ELL: variants seen among roughly 807,000 people sequenced by gnomAD.
ELL encodes elongation factor for RNA polymerase II.
ELL carries 18 observed loss-of-function variants against 64.0 expected under a neutral mutation model. The observed-to-expected ratio is 0.28, with a 90% CI of 0.19 to 0.42. The LOEUF (loss-of-function observed/expected upper bound fraction) is 0.42, where lower values mean the gene tolerates loss of function less well. Ranked by LOEUF, ELL falls within the 10% of genes least tolerant of loss-of-function variation. The probability of loss-of-function intolerance (pLI) is 1.00; values close to 1 mark genes in which losing one functional copy is unlikely to be tolerated. For synonymous variants in ELL, 399 were observed against 376.2 expected (o/e 1.06, Z -0.70); for missense variants, 797 against 870.4 (o/e 0.92, Z 1.06).
intron 8 of ELL, chr19:18,448,558 G>A (rs1974463512): frequency 6.6e-6 from 1 of 152,298 alleles, no homozygotes; most frequent in African/African-American, 2.4e-5. Flanking sequence ...GGAAGTGAGA[G>A]GCAAGGCGCA....
intron 2 of ELL, 132 bp from the exon 3 acceptor site, chr19:18,466,050 A>T (rs997403830): frequency 3.4e-6 from 3 of 894,646 alleles, no homozygotes; most frequent in Non-Finnish European, 2.9e-6. Context: ...CCTAAAACAC[A>T]CCCCTGCTCT....
chr19:18,502,934 C>T (rs1975811278), intron 1 of ELL, among the ~76,000 whole-genome samples: 1 of 152,252 alleles, frequency 6.6e-6, no homozygotes, highest in African/African-American at 2.4e-5. Flanking sequence ...ACAGGGCAGG[C>T]CAGCGCTCCA....
At chr19:18,513,589 C>G (rs573341049) in intron 1 of ELL, among the ~76,000 whole-genome samples, 1 of 152,002 alleles carries the variant, frequency 6.6e-6, no homozygotes, top group Non-Finnish European at 1.5e-5. Flanking sequence ...CTGAGTTATA[C>G]TGCTTATATA....
Position 18,449,782 on chromosome 19 carries a change from C to T in ELL, c.1465+695G>A, listed in dbSNP as rs1371664068. Reference sequence around the variant, plus strand: ...ATGGTGGTGGAACAGCCGCTGCACGCTGGCCACTGCTTCTGCTGGTTCCTA... The same window carrying T: ...ATGGTGGTGGAACAGCCGCTGCACGTTGGCCACTGCTTCTGCTGGTTCCTA... On this transcript the variant is annotated intron_variant, in intron 8 of 11. Coordinates refer to ENST00000262809, the MANE Select transcript of ELL (RefSeq NM_006532.4). The surrounding 1 kb of genome is among the most constrained non-coding windows in gnomAD (Gnocchi z 4.4). 6.6e-6 allele frequency among the ~76,000 whole-genome samples: 1 copy of T among 152,244 alleles called. No individual in the cohort carries two copies. The highest frequency in any genetic ancestry group is 1.5e-5 in the Non-Finnish European group (1 of 68,042).
At position 18,449,583 on chromosome 19, in the gene ELL, C is replaced by T. The variant is rs541952312; in HGVS notation, c.1465+894G>A. 6.6e-6 allele frequency among the ~76,000 whole-genome samples: 1 copy of T among 152,298 alleles called. No homozygotes were observed. The highest frequency in any genetic ancestry group is 2.1e-4 in the South Asian group (1 of 4,824). On this transcript the variant is annotated intron_variant, in intron 8 of 11. Coordinates refer to ENST00000262809, the MANE Select transcript of ELL (RefSeq NM_006532.4). This position sits in a 1 kb window ranked among gnomAD's most constrained non-coding sequence, Gnocchi z 4.4. ...ACGCAAAGCTATAATGAAAGAAGGG[C>T]TCCCACCCTCATCCCAGGAATCCCC...
intron 1 of ELL, among the ~76,000 whole-genome samples, chr19:18,505,066 C>T (rs1054228875): frequency 1.3e-5 from 2 of 152,206 alleles, no homozygotes; most frequent in African/African-American, 2.4e-5. Context: ...TCTCACCCTC[C>T]TGCCATCATG....
intron 1 of ELL, among the ~76,000 whole-genome samples, chr19:18,514,393 A>G (rs1237060033): frequency 6.6e-6 from 1 of 151,542 alleles, no homozygotes; most frequent in Non-Finnish European, 1.5e-5. Context: ...GGGCGCCTGT[A>G]GTCCCAGCTA....
At chr19:18,446,948 G>A in intron 8 of ELL, 134 bp from the exon 9 acceptor site, 1 of 994,120 alleles carries the variant, frequency 1.0e-6, no homozygotes, top group Non-Finnish European at 1.5e-6. Flanking sequence ...CAGAGGGGAT[G>A]ACTGTGTGGC....
intron 2 of ELL, among the ~76,000 whole-genome samples, 176 bp from the exon 3 acceptor site, chr19:18,466,094 G>C (rs1015856348): frequency 6.6e-6 from 1 of 152,182 alleles, no homozygotes; most frequent in African/African-American, 2.4e-5. Flanking sequence ...CCCATCCTCA[G>C]CAACACACAC....
At chr19:18,489,526 C>T (rs1042586725) in intron 1 of ELL, among the ~76,000 whole-genome samples, 4 of 152,170 alleles carry the variant, frequency 2.6e-5, no homozygotes, top group African/African-American at 9.7e-5. Context: ...CCAGCTCTGG[C>T]ACCTTCTCTA....
At chr19:18,454,982 A>C (rs1974627030) in intron 6 of ELL, among the ~76,000 whole-genome samples, 1 of 151,194 alleles carries the variant, frequency 6.6e-6, no homozygotes, top group Non-Finnish European at 1.5e-5. Flanking sequence ...TCTACTAAAA[A>C]TACAAAAAAT....
At chr19:18,492,142 C>T (rs1362967211) in intron 1 of ELL, among the ~76,000 whole-genome samples, 2 of 152,144 alleles carry the variant, frequency 1.3e-5, no homozygotes, top group Non-Finnish European at 2.9e-5. Context: ...CCCACTGAGA[C>T]CATGACACTA....
chr19:18,503,429 G>A (rs1292277051), intron 1 of ELL, among the ~76,000 whole-genome samples: 2 of 152,250 alleles, frequency 1.3e-5, no homozygotes, highest in Non-Finnish European at 2.9e-5. Flanking sequence ...AGGCTCTGAG[G>A]AACTGAGCTG....
At chr19:18,486,271 C>T (rs896911807) in intron 1 of ELL, among the ~76,000 whole-genome samples, 1 of 152,174 alleles carries the variant, frequency 6.6e-6, no homozygotes. Flanking sequence ...GGCACTGGCT[C>T]AACAGGGGCA....
At chr19:18,521,701 C>T (rs2144988495) in intron 1 of ELL, among the ~76,000 whole-genome samples, 1 of 152,238 alleles carries the variant, frequency 6.6e-6, no homozygotes, top group South Asian at 2.1e-4. Context: ...CTCAGCAGCC[C>T]CGGGCCACCC....
At chr19:18,477,670 A>C (rs1975207135) in intron 1 of ELL, among the ~76,000 whole-genome samples, 1 of 152,126 alleles carries the variant, frequency 6.6e-6, no homozygotes, top group Admixed American at 6.5e-5. Flanking sequence ...CCCAGTGAAA[A>C]GAGAAAGGGA....
intron 1 of ELL, among the ~76,000 whole-genome samples, chr19:18,515,929 C>T (rs999959785): frequency 6.6e-6 from 1 of 152,134 alleles, no homozygotes; most frequent in Non-Finnish European, 1.5e-5. Flanking sequence ...CTTCCTCTCC[C>T]GGCAAGTGGT....
At chr19:18,453,275 A>G (rs1974579564) in intron 6 of ELL, among the ~76,000 whole-genome samples, 1 of 152,274 alleles carries the variant, frequency 6.6e-6, no homozygotes, top group African/African-American at 2.4e-5. Flanking sequence ...ACTCCGTCTC[A>G]AAAACATAAA....
At chr19:18,520,892 C>T (rs888329527) in intron 1 of ELL, among the ~76,000 whole-genome samples, 1 of 152,016 alleles carries the variant, frequency 6.6e-6, no homozygotes, top group Non-Finnish European at 1.5e-5. Flanking sequence ...CACTGGTCAT[C>T]TGCAACTTCT....
Sources: gnomAD v4.1 joint callset for allele counts (sites outside exome capture counted in the v4.1 genomes callset) on GRCh38, gnomAD v4.1.1 for gene constraint, Gnocchi (gnomAD v3.1) non-coding constraint, MANE v1.5 for transcripts, NCBI Gene and HGNC (gene_info 2026-07-23, HGNC 2026-07-21) for gene names.